Variants in APMAP observed in about 807,000 individuals in gnomAD.
APMAP encodes the protein adipocyte plasma membrane associated protein.
Under a neutral mutation model 43.6 loss-of-function variants are expected in APMAP, and 33 were observed. That is an observed-to-expected ratio of 0.76 (90% CI 0.57 to 1.01). APMAP has a LOEUF of 1.01. Among genes scored for constraint, APMAP ranks in the 50% least tolerant of loss-of-function variants. APMAP has a pLI of 0.00. For missense variants in APMAP, 498 were observed against 540.7 expected, an observed-to-expected ratio of 0.92 and a Z score of 0.78; for synonymous variants, 224 against 216.7, an observed-to-expected ratio of 1.03 and a Z score of -0.30.
At chr20:24,971,721 CCTGCAGGTGCTCA>C (rs1289702159) in intron 4 of APMAP, 145 bp from the exon 5 acceptor site, 2 of 738,370 alleles carry the variant, frequency 2.7e-6, no homozygotes, top group Non-Finnish European at 4.7e-6. Flanking sequence ...CTACAACTGC[CCTGCAGGTGCTCA>C]CTGCAGGTGC....
chr20:24,980,429 G>A lies in APMAP; in HGVS notation c.213-1547C>T, dbSNP rs77315180. On this transcript the variant is annotated intron_variant, in intron 2 of 8. Transcript: ENST00000217456. The stretch of plus-strand genomic sequence containing the variant: ...ACAAGCAGAGCTGCCAGCTTCGCTC[G>A]GCCTCGGTCACCTCAACACGCCGGG... Among the ~76,000 whole-genome samples, 49 of 152,100 alleles carry A rather than the reference G, an allele frequency of 3.2e-4. 1 individual carries two copies. In the South Asian group the frequency reaches 4.2e-3, roughly 13 times the overall value.
intron 5 of APMAP, among the ~76,000 whole-genome samples, chr20:24,970,711 TAGAAA>T (rs2087991586): frequency 6.6e-6 from 1 of 152,326 alleles, no homozygotes; most frequent in Middle Eastern, 3.4e-3. Flanking sequence ...CATCTCCTTT[TAGAAA>T]AGAAAAGTAG....
intron 1 of APMAP, among the ~76,000 whole-genome samples, chr20:24,986,070 G>C (rs927403281): frequency 6.6e-6 from 1 of 152,232 alleles, no homozygotes; most frequent in Admixed American, 6.5e-5. Context: ...TTGAAGGCAA[G>C]GCCCGGTTTC....
intron 6 of APMAP, 89 bp downstream of exon 6, chr20:24,970,108 C>G: frequency 6.8e-7 from 1 of 1,480,826 alleles, no homozygotes; most frequent in Non-Finnish European, 9.3e-7. Context: ...TGGAAATACT[C>G]CCTTGGTCCC....
chr20:24,967,016 G>A (rs557850934), intron 8 of APMAP, among the ~76,000 whole-genome samples: 102 of 152,252 alleles, frequency 6.7e-4, no homozygotes, highest in African/African-American at 1.8e-3. Context: ...AAATCAGGCC[G>A]GGCATGGTGG....
chr20:24,972,943 G>T (rs2088018435), intron 4 of APMAP, among the ~76,000 whole-genome samples: 1 of 152,178 alleles, frequency 6.6e-6, no homozygotes, highest in Non-Finnish European at 1.5e-5. Context: ...CTGATGTAGG[G>T]TATAATTCCA....
At chr20:24,977,124 A>T (rs1474001756) in intron 3 of APMAP, among the ~76,000 whole-genome samples, 1 of 152,250 alleles carries the variant, frequency 6.6e-6, no homozygotes, top group Non-Finnish European at 1.5e-5. Flanking sequence ...CATTTGTCCA[A>T]ACCCATAGAA....
intron 3 of APMAP, 97 bp from the exon 4 acceptor site, chr20:24,973,834 CT>C (rs2088027313): frequency 9.7e-7 from 1 of 1,032,440 alleles, no homozygotes; most frequent in Non-Finnish European, 1.5e-6. Context: ...CATGTTCCCC[CT>C]GCCCTATAGA....
At chr20:24,987,458 G>A (rs2088157440) in intron 1 of APMAP, among the ~76,000 whole-genome samples, 1 of 152,198 alleles carries the variant, frequency 6.6e-6, no homozygotes, top group Non-Finnish European at 1.5e-5. Context: ...TTGTGTGGGA[G>A]GGGGAAATGG....
chr20:24,965,495 C>A (rs569318181), intron 8 of APMAP, among the ~76,000 whole-genome samples: 1 of 152,354 alleles, frequency 6.6e-6, no homozygotes, highest in Admixed American at 6.5e-5. Flanking sequence ...CCCAGACAAG[C>A]CCACTCCGCT....
intron 2 of APMAP, among the ~76,000 whole-genome samples, chr20:24,981,844 A>G (rs117271401): frequency 3.7e-4 from 56 of 152,312 alleles, no homozygotes; most frequent in Non-Finnish European, 5.1e-4. Context: ...TGAAAAATAA[A>G]CTTTTTGTTC....
chr20:24,989,031 T>A (rs2088170423), intron 1 of APMAP, among the ~76,000 whole-genome samples: 1 of 152,052 alleles, frequency 6.6e-6, no homozygotes, highest in African/African-American at 2.4e-5. Context: ...CGGCAGGCCC[T>A]CATCAGTGTT....
Position 24,978,734 on chromosome 20 carries a change from G to T in APMAP, c.328+33C>A, listed in dbSNP as rs774110674. 6.8e-6 allele frequency: 9 copies of T among 1,315,110 alleles called. No individual in the cohort carries two copies. In the Admixed American group the frequency reaches 1.4e-4, roughly 21 times the overall value. 81.5% of individuals were successfully genotyped at this position (1,315,110 alleles called of 1,614,324 possible). A position where few individuals can be genotyped will look rare whatever the true frequency, so the allele number is the denominator to read the frequency against. On this transcript the variant is annotated intron_variant, in intron 3 of 8. Coordinates refer to ENST00000217456, the MANE Select transcript of APMAP (RefSeq NM_020531.3). ...GCCCCCTCAGACAACAGACAGCCTG[G>T]AAGGCTCCCCCCCCACCCAAGCTTA...
In APMAP at chr20:24,963,677, C is replaced by T. The variant is rs962302547; in HGVS notation, c.*136G>A. The T allele has an allele frequency of 5.3e-6, 5 of 941,780 alleles. No homozygotes were observed. Among genetic ancestry groups the T allele is most frequent in the Non-Finnish European group, 8.1e-6 (5 of 618,134 alleles). 58.3% of individuals were successfully genotyped at this position (941,780 alleles called of 1,614,324 possible). On this transcript the variant is annotated 3_prime_UTR_variant, in exon 9 of 9. Transcript: ENST00000217456. ...TCCTCGAGGAATGAAGCAGCCATTC[C>T]CACCACCTCTCAGGGACTAACAGGT...
chr20:24,964,370 C>T, intron 8 of APMAP: 1 of 512,576 alleles, frequency 2.0e-6, no homozygotes, highest in South Asian at 1.5e-5. Flanking sequence ...ATGACCTCCA[C>T]TCACCAGATC....
intron 4 of APMAP, 125 bp from the exon 5 acceptor site, chr20:24,971,701 G>A: frequency 2.4e-6 from 2 of 826,598 alleles, no homozygotes; most frequent in South Asian, 1.6e-5. Flanking sequence ...ACAAGACCAT[G>A]GCATTAGAGC....
At chr20:24,976,174 A>G (rs1349238052) in intron 3 of APMAP, among the ~76,000 whole-genome samples, 1 of 152,234 alleles carries the variant, frequency 6.6e-6, no homozygotes, top group African/African-American at 2.4e-5. Flanking sequence ...CCAAGGTGAG[A>G]TACATGAAGA....
At chr20:24,979,497 G>A (rs771072368) in intron 2 of APMAP, among the ~76,000 whole-genome samples, 3 of 151,982 alleles carry the variant, frequency 2.0e-5, no homozygotes, top group Non-Finnish European at 2.9e-5. Flanking sequence ...GCCTCTACTC[G>A]TCCTTCCCAT....
At position 24,964,080 on chromosome 20, in the gene APMAP, G is replaced by A. The variant is rs1206067134; in HGVS notation, c.1042-58C>T. 8 of 1,555,272 alleles carry A rather than the reference G, an allele frequency of 5.1e-6. No individual in the cohort carries two copies. In the African/African-American group the frequency reaches 9.5e-5, roughly 18 times the overall value. On this transcript the variant is annotated intron_variant, in intron 8 of 8. Transcript: ENST00000217456. ...CAGCTGGCCAAGAACACTGTGCGCAGATCAACCGTGCCGCCCCCACCATCC... is the reference window on the plus strand; with the variant it reads ...CAGCTGGCCAAGAACACTGTGCGCAAATCAACCGTGCCGCCCCCACCATCC...
Sources: gnomAD v4.1 joint callset for allele counts (sites outside exome capture counted in the v4.1 genomes callset) on GRCh38, gnomAD v4.1.1 for gene constraint, MANE v1.5 for transcripts, NCBI Gene and HGNC (gene_info 2026-07-23, HGNC 2026-07-21) for gene names.